The following FYB1 variants were observed in gnomAD, a reference collection of about 807,000 sequenced individuals.
The protein encoded by FYB1 is FYN-binding protein 1.
In FYB1, 41 loss-of-function variants were observed where a neutral mutation model predicts 94.1. The observed-to-expected ratio is 0.44, with a 90% CI of 0.34 to 0.57. The LOEUF (loss-of-function observed/expected upper bound fraction) is 0.57, where lower values mean the gene tolerates loss of function less well. FYB1 is among the 20% of genes least tolerant of loss of function. The pLI is 0.02. For synonymous variants in FYB1, 367 were observed against 353.2 expected (o/e 1.04, Z -0.44); for missense variants, 1,050 against 976.8 (o/e 1.07, Z -1.00).
chr5:39,209,953 T>G (rs971573768), intron 1 of FYB1, among the ~76,000 whole-genome samples: 1 of 152,242 alleles, frequency 6.6e-6, no homozygotes, highest in African/African-American at 2.4e-5. Context: ...AAATGGGCTG[T>G]GATGCATTCC....
intron 2 of FYB1, among the ~76,000 whole-genome samples, chr5:39,171,010 G>A (rs958942980): frequency 2.6e-5 from 4 of 152,132 alleles, no homozygotes; most frequent in African/African-American, 7.2e-5. Context: ...TTTTTAGACT[G>A]GGCACGGTGA....
chr5:39,216,288 G>T (rs1233199278), intron 1 of FYB1, among the ~76,000 whole-genome samples: 1 of 152,012 alleles, frequency 6.6e-6, no homozygotes. Flanking sequence ...TTTTAATATT[G>T]CATATATTTA....
At chr5:39,244,404 T>TG (rs879285799) in intron 1 of FYB1, among the ~76,000 whole-genome samples, 24,252 of 151,846 alleles carry the variant, frequency 0.16, 5,119 homozygotes, top group African/African-American at 0.47. Flanking sequence ...GATAATCATG[T>TG]TTTTTGTCTT....
Position 39,110,379 on chromosome 5 carries a change from G to A in FYB1, c.2412C>T (p.Val804=), listed in dbSNP as rs757096001. 2.2e-5 allele frequency: 35 copies of A among 1,593,380 alleles called. No homozygotes were observed. In the South Asian group the frequency reaches 3.1e-4, roughly 14 times the overall value. The change falls in exon 17 of 19, where the codon GTC becomes GTT. Residue 804 remains valine (V), a synonymous_variant. Transcript: ENST00000512982. ...ACTTGTCCGCTAGGTAACTCCGAAG[G>A]ACATAACCATCTACGAAGGAAAAAG... ...CRNEEGKYGY[V]LRSYLADNDG... is the part of the protein sequence containing the mutation.
intron 3 of FYB1, among the ~76,000 whole-genome samples, chr5:39,147,322 T>C (rs1476924962): frequency 6.6e-6 from 1 of 151,596 alleles, no homozygotes; most frequent in Non-Finnish European, 1.5e-5. Flanking sequence ...CAGGCTGGAG[T>C]GTAGTGGAGA....
intron 1 of FYB1, chr5:39,274,346 A>G: frequency 6.6e-6 from 1 of 152,200 alleles, no homozygotes; most frequent in Non-Finnish European, 1.5e-5. Flanking sequence ...TACGTGCCCA[A>G]CATTAATGTG....
At chr5:39,254,195 C>T (rs893345281) in intron 1 of FYB1, among the ~76,000 whole-genome samples, 3 of 152,092 alleles carry the variant, frequency 2.0e-5, no homozygotes, top group African/African-American at 4.8e-5. Flanking sequence ...ATTTATATTC[C>T]TTTGGCTCTA....
chr5:39,105,619 A>G lies in FYB1; in HGVS notation c.*1824T>C, dbSNP rs1760330710. ...GGCACTCTGAAAGTTTAGCAAGCTTATCAAGGAGTCCTCAAACTAAAGCTG... is the reference window on the plus strand; with the variant it reads ...GGCACTCTGAAAGTTTAGCAAGCTTGTCAAGGAGTCCTCAAACTAAAGCTG... On this transcript the variant is annotated 3_prime_UTR_variant, in exon 19 of 19. Transcript: ENST00000512982. The G allele has an allele frequency of 6.6e-6, 1 of 152,192 alleles. No homozygotes were observed. Among genetic ancestry groups the G allele is most frequent in the African/African-American group, 2.4e-5 (1 of 41,446 alleles). The allele number at this position is 152,192 out of a possible 1,614,324, so 9.4% of individuals were successfully genotyped here.
intron 1 of FYB1, among the ~76,000 whole-genome samples, chr5:39,235,126 T>G (rs1237131669): frequency 6.6e-6 from 1 of 151,842 alleles, no homozygotes; most frequent in African/African-American, 2.4e-5. Flanking sequence ...ATAATCAATT[T>G]AAATTCCCTG....
At chr5:39,254,538 G>C (rs1579792549) in intron 1 of FYB1, among the ~76,000 whole-genome samples, 1 of 152,160 alleles carries the variant, frequency 6.6e-6, no homozygotes, top group Non-Finnish European at 1.5e-5. Context: ...AGCATATATT[G>C]GTTGGCATGA....
At chr5:39,145,386 C>T (rs908034474) in intron 3 of FYB1, among the ~76,000 whole-genome samples, 11 of 152,092 alleles carry the variant, frequency 7.2e-5, no homozygotes, top group African/African-American at 2.7e-4. Flanking sequence ...CAATATGAAA[C>T]ATCGCAAGAA....
intron 2 of FYB1, among the ~76,000 whole-genome samples, chr5:39,194,185 A>G (rs1168637287): frequency 6.6e-6 from 1 of 152,206 alleles, no homozygotes; most frequent in African/African-American, 2.4e-5. Context: ...GTAAATTTAA[A>G]TGCCAGAATC....
chr5:39,252,654 T>C (rs922603272), intron 1 of FYB1, among the ~76,000 whole-genome samples: 1 of 152,230 alleles, frequency 6.6e-6, no homozygotes, highest in African/African-American at 2.4e-5. Context: ...AAACTCATAC[T>C]AAGTTTATGA....
intron 1 of FYB1, chr5:39,270,418 G>C (rs1359688827): frequency 1.3e-5 from 8 of 606,666 alleles, no homozygotes; most frequent in Non-Finnish European, 5.6e-6. Flanking sequence ...AGACTCAGCA[G>C]CTTCATCAGC....
At position 39,186,098 on chromosome 5, in the gene FYB1, C is replaced by T. The variant is rs537659466; in HGVS notation, c.1135+15728G>A. Among the ~76,000 whole-genome samples, 21 of 152,144 alleles carry T rather than the reference C, an allele frequency of 1.4e-4. No homozygotes were observed. The East Asian group carries it at 2.9e-3, about 21-fold the overall frequency. ...CTCAAGCGGGCTGCACAAACAGAAACGGTGGACAATTGAATTCAAGCTCCA... is the reference window on the plus strand; with the variant it reads ...CTCAAGCGGGCTGCACAAACAGAAATGGTGGACAATTGAATTCAAGCTCCA... On this transcript the variant is annotated intron_variant, in intron 2 of 18. Transcript: ENST00000512982.
At chr5:39,267,225 A>G (rs1330264877) in intron 1 of FYB1, among the ~76,000 whole-genome samples, 1 of 152,206 alleles carries the variant, frequency 6.6e-6, no homozygotes, top group Non-Finnish European at 1.5e-5. Context: ...GTTTCTATGC[A>G]TACTTTGGAA....
In FYB1 at chr5:39,202,276, G is replaced by T. The variant is rs747350975; in HGVS notation, c.685C>A (p.Leu229Met). The T allele has an allele frequency of 3.1e-6, 5 of 1,613,804 alleles. No individual in the cohort carries two copies. The East Asian group carries it at 1.1e-4, about 36-fold the overall frequency. ...VSSSKGSPAP[L>M]GVRSKSGPLK... ...GGGCCGCTTTTGGACCTGACTCCCA[G>T]GGGAGCTGGGGACCCTTTTGATGAA... The change falls in exon 2 of 19, where the codon CTG becomes ATG. Residue 229 changes from leucine to methionine, a missense_variant. Coordinates refer to ENST00000512982, the MANE Select transcript of FYB1 (RefSeq NM_001465.6).
At chr5:39,209,223 C>A (rs1408829257) in intron 1 of FYB1, among the ~76,000 whole-genome samples, 2 of 152,144 alleles carry the variant, frequency 1.3e-5, no homozygotes, top group African/African-American at 4.8e-5. Flanking sequence ...GCTGAAAATA[C>A]AGTACTCCTG....
Position 39,219,379 on chromosome 5 carries a change from C to A in FYB1, c.-28+64G>T, listed in dbSNP as rs79377233. On this transcript the variant is annotated intron_variant, in intron 1 of 18. Coordinates refer to ENST00000512982, the MANE Select transcript of FYB1 (RefSeq NM_001465.6). ...GTGCTGCCAGAATTTGGAAGTGGTG[C>A]TTTTTTCCTGCTATAAAAAATTACA... 2,903 of 955,154 alleles carry A rather than the reference C, an allele frequency of 3.0e-3. 87 individuals carry two copies. The African/African-American group carries it at 0.048, about 16-fold the overall frequency. The allele number at this position is 955,154 out of a possible 1,614,324, so 59.2% of individuals were successfully genotyped here.
Sources: gnomAD v4.1 joint callset for allele counts (sites outside exome capture counted in the v4.1 genomes callset) on GRCh38, gnomAD v4.1.1 for gene constraint, MANE v1.5 for transcripts, NCBI Gene and HGNC (gene_info 2026-07-23, HGNC 2026-07-21) for gene names.